Variants in UGGT2 observed in about 807,000 individuals in gnomAD.
UGGT2 encodes the protein UDP-glucose:glycoprotein glucosyltransferase 2.
UGGT2 carries 180 observed loss-of-function variants against 192.1 expected under a neutral mutation model. That is an observed-to-expected ratio of 0.94 (90% CI 0.83 to 1.06). The LOEUF (loss-of-function observed/expected upper bound fraction) is 1.06. Ranked by LOEUF, UGGT2 falls within the 50% of genes least tolerant of loss-of-function variation. The pLI, the probability that UGGT2 is intolerant of heterozygous loss-of-function variation, is 0.00. For missense variants in UGGT2, 1,849 were observed against 1,795.7 expected (o/e 1.03, Z -0.54); for synonymous variants, 580 against 591.0 (o/e 0.98, Z 0.27).
chr13:95,947,074 T>G lies in UGGT2; in HGVS notation c.1640A>C (p.Glu547Ala). 2 of 1,608,082 alleles carry G rather than the reference T, an allele frequency of 1.2e-6. No homozygotes were observed. Among genetic ancestry groups the G allele is most frequent in the Non-Finnish European group, 8.5e-7 (1 of 1,178,440 alleles). Residue 547 changes from glutamate (E) to alanine (A), a missense_variant, in exon 15 of 39, where the codon GAA becomes GCA. Transcript: ENST00000376747. ...AATAAATGCTTCTGATATATCAAAT[T>G]CTTCTGCAATATAGTTGAAAGCTCG... ...LWRAFNYIAE[E>A]FDISEAFISI...
chr13:95,853,051 G>T (rs1248452076), intron 36 of UGGT2, among the ~76,000 whole-genome samples: 1 of 152,156 alleles, frequency 6.6e-6, no homozygotes, highest in African/African-American at 2.4e-5. Context: ...TTGACAGTGA[G>T]TGGGTTCTCA....
intron 21 of UGGT2, among the ~76,000 whole-genome samples, chr13:95,901,521 T>C (rs1289858400): frequency 6.6e-6 from 1 of 152,176 alleles, no homozygotes; most frequent in Non-Finnish European, 1.5e-5. Context: ...CAAACTTTAA[T>C]GTACATACCA....
intron 5 of UGGT2, among the ~76,000 whole-genome samples, chr13:96,007,751 C>T (rs1432799799): frequency 2.0e-5 from 3 of 151,970 alleles, no homozygotes. Flanking sequence ...TACATTAATA[C>T]AAAGAAAACT....
At chr13:95,922,391 G>T (rs1055237995) in intron 20 of UGGT2, among the ~76,000 whole-genome samples, 9 of 152,104 alleles carry the variant, frequency 5.9e-5, no homozygotes, top group Non-Finnish European at 8.8e-5. Flanking sequence ...ATCATTAGAA[G>T]CTCCAGCCTC....
chr13:95,883,392 A>G (rs2047550476), intron 27 of UGGT2, among the ~76,000 whole-genome samples: 1 of 152,112 alleles, frequency 6.6e-6, no homozygotes, highest in African/African-American at 2.4e-5. Context: ...AGTAAGGACA[A>G]TAAGGAGAAG....
intron 20 of UGGT2, among the ~76,000 whole-genome samples, chr13:95,904,338 C>T (rs991189099): frequency 1.3e-5 from 2 of 151,738 alleles, no homozygotes; most frequent in Admixed American, 6.6e-5. Flanking sequence ...TACATGTGCA[C>T]ATTGTGCAGG....
rs866503481 is a variant in UGGT2 at position 95,836,983 on chromosome 13, C to T, written c.4401+103G>A. 7.9e-5 allele frequency: 72 copies of T among 914,312 alleles called. No individual in the cohort carries two copies. In the Middle Eastern group the frequency reaches 2.0e-3, roughly 26 times the overall value. The allele number at this position is 914,312 out of a possible 1,614,324, so 56.6% of individuals were successfully genotyped here. ...GTAATAGACTGAACAGCAGAAGAAGCGAAGTAATACGTATGCCACTCCCTT... is the reference window on the plus strand; with the variant it reads ...GTAATAGACTGAACAGCAGAAGAAGTGAAGTAATACGTATGCCACTCCCTT... On this transcript the variant is annotated intron_variant, in intron 37 of 38. Transcript: ENST00000376747.
At chr13:95,937,643 C>A (rs995438541) in intron 16 of UGGT2, among the ~76,000 whole-genome samples, 1 of 152,120 alleles carries the variant, frequency 6.6e-6, no homozygotes, top group African/African-American at 2.4e-5. Flanking sequence ...AAAACACAGG[C>A]ATGTAGAAGA....
At chr13:95,918,980 C>T (rs897455620) in intron 20 of UGGT2, among the ~76,000 whole-genome samples, 6 of 152,148 alleles carry the variant, frequency 3.9e-5, no homozygotes, top group Non-Finnish European at 5.9e-5. Flanking sequence ...CAATAAACTA[C>T]TAGCAAACCA....
At chr13:95,991,474 C>T (rs1294639660) in intron 7 of UGGT2, 1 of 454,178 alleles carries the variant, frequency 2.2e-6, no homozygotes, top group East Asian at 7.0e-5. Flanking sequence ...ATAGACAAGC[C>T]TTTGAAAAGT....
At chr13:95,906,317 A>C (rs1019571678) in intron 20 of UGGT2, among the ~76,000 whole-genome samples, 3 of 152,146 alleles carry the variant, frequency 2.0e-5, no homozygotes, top group African/African-American at 7.2e-5. Context: ...AACAACCTTA[A>C]ACTATATAAT....
At chr13:96,017,698 T>C (rs2052381814) in intron 4 of UGGT2, among the ~76,000 whole-genome samples, 1 of 152,214 alleles carries the variant, frequency 6.6e-6, no homozygotes, top group African/African-American at 2.4e-5. Flanking sequence ...TGTCTGTATA[T>C]GCATATATGC....
intron 17 of UGGT2, among the ~76,000 whole-genome samples, chr13:95,935,215 G>C (rs73560827): frequency 1.3e-5 from 2 of 152,072 alleles, no homozygotes; most frequent in African/African-American, 2.4e-5. Context: ...ATTGGTACAC[G>C]AGGTTTTGAT....
At chr13:95,938,499 C>T (rs1267993195) in intron 16 of UGGT2, among the ~76,000 whole-genome samples, 1 of 152,166 alleles carries the variant, frequency 6.6e-6, no homozygotes, top group Non-Finnish European at 1.5e-5. Context: ...TTATGTTACA[C>T]AGCTACAATG....
chr13:95,973,301 A>C (rs939983834), intron 10 of UGGT2, among the ~76,000 whole-genome samples: 5 of 152,160 alleles, frequency 3.3e-5, no homozygotes, highest in South Asian at 4.1e-4. Context: ...GATGGGGGGA[A>C]TCTTAAGATA....
chr13:95,909,799 T>TAAAAAAAAA, intron 20 of UGGT2, among the ~76,000 whole-genome samples: 1 of 76,180 alleles, frequency 1.3e-5, no homozygotes, highest in Non-Finnish European at 2.4e-5. Context: ...TCCTGCCCAC[T>TAAAAAAAAA]AAAAAAAAAA....
intron 5 of UGGT2, among the ~76,000 whole-genome samples, chr13:96,003,442 C>T (rs1185543665): frequency 1.3e-5 from 2 of 152,142 alleles, no homozygotes; most frequent in Non-Finnish European, 2.9e-5. Flanking sequence ...GACTCCTTTG[C>T]AATGTGACCT....
rs111472012 is a variant in UGGT2, at chr13:96,052,472, GA to G, written c.158+682del. Among the ~76,000 whole-genome samples the G allele has an allele frequency of 9.1e-3, 1,296 of 142,242 alleles. 4 individuals carry two copies. The highest frequency in any genetic ancestry group is 0.021 in the Middle Eastern group (6 of 280). 93.3% of individuals were successfully genotyped at this position (142,242 alleles called of 152,430 possible). ...CTGTTCCCCAATAAACTATAGAAAT[GA>G]AAAAAAAAAAGAACTTTTAGCATCA... On this transcript the variant is annotated intron_variant, in intron 1 of 38. Transcript: ENST00000376747.
rs372685665 is a variant in UGGT2, at chr13:96,028,297, G to C, written c.241+3592C>G. Among the ~76,000 whole-genome samples, 4 of 152,332 alleles carry C rather than the reference G, an allele frequency of 2.6e-5. No homozygotes were observed. The East Asian group carries it at 7.7e-4, about 29-fold the overall frequency. On this transcript the variant is annotated intron_variant, in intron 2 of 38. Coordinates refer to ENST00000376747, the MANE Select transcript of UGGT2 (RefSeq NM_020121.4). ...CCCCAAATCTGGTTCTTGGGTAAAA[G>C]TAACTATGTTAGAAAGCCTTAACAT...
Sources: gnomAD v4.1 joint callset for allele counts (sites outside exome capture counted in the v4.1 genomes callset) on GRCh38, gnomAD v4.1.1 for gene constraint, MANE v1.5 for transcripts, NCBI Gene and HGNC (gene_info 2026-07-23, HGNC 2026-07-21) for gene names.